Variants in ANXA4 observed in about 807,000 individuals in gnomAD.
The protein encoded by ANXA4 is annexin A4, also known as 35-beta calcimedin.
In ANXA4, 39 loss-of-function variants were observed where a neutral mutation model predicts 49.8. That is an observed-to-expected ratio of 0.78 (90% CI 0.61 to 1.02). The LOEUF is 1.02. Among genes scored for constraint, ANXA4 ranks in the 50% least tolerant of loss-of-function variants. The pLI, the probability that ANXA4 is intolerant of heterozygous loss-of-function variation, is 0.00. For missense variants in ANXA4, 360 were observed against 410.1 expected (o/e 0.88, Z 1.05); for synonymous variants, 134 against 152.5 (o/e 0.88, Z 0.89).
At chr2:69,825,066 C>CAAAAAAAAAAAAAAAA (rs10565929) in intron 12 of ANXA4, among the ~76,000 whole-genome samples, 1 of 52,868 alleles carries the variant, frequency 1.9e-5, no homozygotes, top group Admixed American at 2.1e-4. Flanking sequence ...GACTCTGTCT[C>CAAAAAAAAAAAAAAAA]AAAAAAAAAA....
At chr2:69,645,131 G>GA (rs1255473592) in intron 1 of ANXA4, among the ~76,000 whole-genome samples, 31 of 152,182 alleles carry the variant, frequency 2.0e-4, no homozygotes, top group Non-Finnish European at 7.4e-5. Flanking sequence ...GTGTCCCAGG[G>GA]AAAAAAATGG....
intron 1 of ANXA4, among the ~76,000 whole-genome samples, chr2:69,649,419 T>A (rs140107183): frequency 6.6e-6 from 1 of 151,628 alleles, no homozygotes; most frequent in Non-Finnish European, 1.5e-5. Flanking sequence ...CATTATATAT[T>A]TATATTTTAT....
At chr2:69,688,070 C>T (rs1053433789) in intron 2 of ANXA4, among the ~76,000 whole-genome samples, 4 of 152,148 alleles carry the variant, frequency 2.6e-5, no homozygotes, top group African/African-American at 4.8e-5. Context: ...TGAGCTTGCT[C>T]AAGTCAGGAT....
intron 1 of ANXA4, among the ~76,000 whole-genome samples, chr2:69,760,355 T>C (rs1671233968): frequency 6.6e-6 from 1 of 152,130 alleles, no homozygotes; most frequent in South Asian, 2.1e-4. Context: ...CTTGATTAAA[T>C]AGAGAGAGGG....
At chr2:69,701,345 A>G (rs1349213874) in intron 2 of ANXA4, among the ~76,000 whole-genome samples, 1 of 152,018 alleles carries the variant, frequency 6.6e-6, no homozygotes, top group African/African-American at 2.4e-5. Context: ...TACCCATTCA[A>G]CATGAACTCC....
chr2:69,690,427 CG>C (rs1559081957), intron 2 of ANXA4, among the ~76,000 whole-genome samples: 3 of 152,104 alleles, frequency 2.0e-5, no homozygotes, highest in Non-Finnish European at 4.4e-5. Context: ...TTAGTAGAGA[CG>C]GTGTTTCACC....
chr2:69,665,307 G>A (rs995951615), intron 2 of ANXA4, among the ~76,000 whole-genome samples: 3 of 151,996 alleles, frequency 2.0e-5, no homozygotes, highest in Non-Finnish European at 2.9e-5. Flanking sequence ...AGCCCGCAGC[G>A]GTTTGAGTTT....
intron 2 of ANXA4, 119 bp from the exon 3 acceptor site, chr2:69,787,935 C>T (rs964761743): frequency 9.6e-6 from 8 of 832,262 alleles, no homozygotes; most frequent in Admixed American, 3.9e-5. Context: ...CTACTGTACC[C>T]CTAGCACCTA....
intron 2 of ANXA4, among the ~76,000 whole-genome samples, chr2:69,702,721 A>C (rs1678371004): frequency 6.6e-6 from 1 of 152,180 alleles, no homozygotes; most frequent in Non-Finnish European, 1.5e-5. Context: ...TCTTAATAAA[A>C]AATTATTTTG....
At chr2:69,714,104 T>C (rs760572879) in intron 2 of ANXA4, among the ~76,000 whole-genome samples, 1 of 152,186 alleles carries the variant, frequency 6.6e-6, no homozygotes, top group Non-Finnish European at 1.5e-5. Context: ...TTTGAAGACA[T>C]CTGAGCCTGG....
intron 2 of ANXA4, among the ~76,000 whole-genome samples, chr2:69,658,964 G>A (rs534835428): frequency 1.3e-5 from 2 of 152,270 alleles, no homozygotes; most frequent in South Asian, 4.1e-4. Context: ...CCAAAGTGCT[G>A]GGATTACAGG....
At chr2:69,662,334 C>T (rs925286806) in intron 2 of ANXA4, among the ~76,000 whole-genome samples, 2 of 152,066 alleles carry the variant, frequency 1.3e-5, no homozygotes, top group South Asian at 2.1e-4. Context: ...TTCCTATGCA[C>T]GCTTGGAAGC....
intron 4 of ANXA4, 150 bp downstream of exon 4, chr2:69,804,777 G>A (rs1274415339): frequency 3.0e-5 from 21 of 707,276 alleles, no homozygotes; most frequent in Non-Finnish European, 4.2e-5. Flanking sequence ...CAGGTGTGGT[G>A]GGTCACACCT....
chr2:69,806,349 A>G (rs1404977753), intron 4 of ANXA4, 36 bp from the exon 5 acceptor site: 18 of 1,475,520 alleles, frequency 1.2e-5, no homozygotes, highest in Admixed American at 1.7e-5. Context: ...CTAATTTGCT[A>G]TAGCAGTTAA....
intron 3 of ANXA4, among the ~76,000 whole-genome samples, chr2:69,732,488 G>A (rs1406483345): frequency 6.6e-6 from 1 of 151,220 alleles, no homozygotes; most frequent in Non-Finnish European, 1.5e-5. Flanking sequence ...GCTGGGCGTG[G>A]TGGCTCACGC....
chr2:69,801,064 G>A (rs1239583412), intron 3 of ANXA4, among the ~76,000 whole-genome samples: 1 of 152,194 alleles, frequency 6.6e-6, no homozygotes, highest in Non-Finnish European at 1.5e-5. Context: ...TATCTGCATA[G>A]GGCATGAATC....
intron 1 of ANXA4, among the ~76,000 whole-genome samples, chr2:69,770,291 C>G (rs1423489751): frequency 6.6e-6 from 1 of 152,242 alleles, no homozygotes; most frequent in Non-Finnish European, 1.5e-5. Flanking sequence ...GAGTTACTCT[C>G]ATTTTCCTAT....
At chr2:69,748,702 C>G (rs969293928) in intron 1 of ANXA4, among the ~76,000 whole-genome samples, 2 of 147,522 alleles carry the variant, frequency 1.4e-5, no homozygotes, top group Admixed American at 7.0e-5. Flanking sequence ...TGCTTGTATA[C>G]CCTACTTCTT....
chr2:69,797,131 G>A (rs372924270), intron 3 of ANXA4, among the ~76,000 whole-genome samples: 3 of 152,284 alleles, frequency 2.0e-5, no homozygotes, highest in Admixed American at 6.5e-5. Flanking sequence ...AGGACTCCCA[G>A]TGCTTCAGAA....
Sources: allele counts gnomAD v4.1 joint callset (sites outside exome capture counted in the v4.1 genomes callset), GRCh38; gene constraint gnomAD v4.1.1; transcripts MANE v1.5; gene names NCBI Gene and HGNC (gene_info 2026-07-23, HGNC 2026-07-21).